Variants in RYR2 observed in about 807,000 individuals in gnomAD.
The protein encoded by RYR2 is ryanodine receptor 2.
RYR2 carries 227 observed loss-of-function variants against 601.1 expected under a neutral mutation model. That is an observed-to-expected ratio of 0.38 (90% CI 0.34 to 0.42). The LOEUF (loss-of-function observed/expected upper bound fraction) is 0.42, where lower values mean the gene tolerates loss of function less well. Among genes scored for constraint, RYR2 ranks in the 10% least tolerant of loss-of-function variants. RYR2 has a pLI of 1.00. For missense variants in RYR2, 4,646 were observed against 6,156.5 expected, an observed-to-expected ratio of 0.75 and a Z score of 8.21; for synonymous variants, 2,223 against 2,175.1, an observed-to-expected ratio of 1.02 and a Z score of -0.61.
chr1:237,696,968 G>A (rs1479783159), intron 63 of RYR2, among the ~76,000 whole-genome samples: 2 of 151,850 alleles, frequency 1.3e-5, no homozygotes, highest in Non-Finnish European at 2.9e-5. Flanking sequence ...AATATAAATC[G>A]TATCATATCC....
chr1:237,795,873 T>C (rs9428383), intron 96 of RYR2, among the ~76,000 whole-genome samples: 69,977 of 140,598 alleles, frequency 0.5, 18,035 homozygotes, highest in East Asian at 0.82. Context: ...TATATATATA[T>C]ACACATATAT....
intron 2 of RYR2, among the ~76,000 whole-genome samples, chr1:237,289,704 C>A (rs896029722): frequency 1.3e-5 from 2 of 152,062 alleles, no homozygotes; most frequent in Non-Finnish European, 2.9e-5. Context: ...GGGACACAGC[C>A]AAACCATATC....
intron 1 of RYR2, among the ~76,000 whole-genome samples, chr1:237,114,868 C>T (rs1669884581): frequency 6.6e-6 from 1 of 152,136 alleles, no homozygotes; most frequent in African/African-American, 2.4e-5. Flanking sequence ...TTATTTGGAG[C>T]ATTACTTGAG....
intron 35 of RYR2, among the ~76,000 whole-genome samples, chr1:237,607,845 C>T (rs1242925114): frequency 6.6e-6 from 1 of 152,114 alleles, no homozygotes; most frequent in Non-Finnish European, 1.5e-5. Flanking sequence ...CCTTGGACAT[C>T]TTTCTTAAAT....
At chr1:237,615,837 G>C (rs890400179) in intron 37 of RYR2, among the ~76,000 whole-genome samples, 3 of 152,208 alleles carry the variant, frequency 2.0e-5, no homozygotes, top group African/African-American at 7.2e-5. Flanking sequence ...CTGGATTACT[G>C]TTAGAAAGAT....
In RYR2 at chr1:237,600,175, A is replaced by C. The variant is rs139359769; in HGVS notation, c.4597-1850A>C. Among the ~76,000 whole-genome samples, 606 of 152,288 alleles carry C rather than the reference A, an allele frequency of 4.0e-3. 2 individuals carry two copies. The highest frequency in any genetic ancestry group is 0.014 in the African/African-American group (563 of 41,566). ...TGGAAACATCACACTAACTGAGTTT[A>C]AAATACACAAAGCCATAGTAACCAA... On this transcript the variant is annotated intron_variant, in intron 34 of 104. Coordinates refer to ENST00000366574, the MANE Select transcript of RYR2 (RefSeq NM_001035.3).
intron 10 of RYR2, among the ~76,000 whole-genome samples, chr1:237,398,489 A>C (rs75807432): frequency 0.061 from 9,353 of 152,328 alleles, 411 homozygotes; most frequent in African/African-American, 0.13. Context: ...CAGATTGTAA[A>C]TAAGCACATA....
At chr1:237,548,319 A>C in intron 25 of RYR2, 112 bp from the exon 26 acceptor site, 1 of 1,056,628 alleles carries the variant, frequency 9.5e-7, no homozygotes, top group Admixed American at 2.3e-5. Context: ...ACCACTGGTT[A>C]CCACTGTGGT....
At chr1:237,241,863 C>T (rs994766253) in intron 1 of RYR2, among the ~76,000 whole-genome samples, 26 of 152,090 alleles carry the variant, frequency 1.7e-4, no homozygotes, top group African/African-American at 5.1e-4. Context: ...ATTGTAACTA[C>T]GTATAATGAG....
chr1:237,396,946 C>G (rs1362961830), intron 10 of RYR2, among the ~76,000 whole-genome samples: 2 of 152,044 alleles, frequency 1.3e-5, no homozygotes, highest in African/African-American at 4.8e-5. Flanking sequence ...AGTTCTTAAA[C>G]TTGACACCAA....
At chr1:237,750,047 G>A (rs752363200) in intron 80 of RYR2, among the ~76,000 whole-genome samples, 5 of 152,132 alleles carry the variant, frequency 3.3e-5, no homozygotes, top group Admixed American at 2.0e-4. Flanking sequence ...TCGGGAGGCC[G>A]AGGCACAGGA....
intron 24 of RYR2, among the ~76,000 whole-genome samples, chr1:237,515,693 TTCCCTCCCC>T (rs1666377533): frequency 4.5e-4 from 1 of 2,246 alleles, no homozygotes; most frequent in Non-Finnish European, 1.0e-3. Flanking sequence ...CCTTCCTTCC[TTCCCTCCCC>T]TCCTTCTCCT....
intron 16 of RYR2, among the ~76,000 whole-genome samples, chr1:237,462,418 C>T (rs992204497): frequency 2.0e-5 from 3 of 152,126 alleles, no homozygotes; most frequent in South Asian, 2.1e-4. Flanking sequence ...TTAGAAACAG[C>T]GATACTCATA....
chr1:237,556,540 ATGT>A (rs1670907019), intron 27 of RYR2, among the ~76,000 whole-genome samples: 1 of 147,564 alleles, frequency 6.8e-6, no homozygotes, highest in African/African-American at 2.5e-5. Context: ...TGAACTCCTG[ATGT>A]TGTGATCCAC....
intron 8 of RYR2, 55 bp from the exon 9 acceptor site, chr1:237,387,226 C>CACATG: frequency 6.7e-7 from 1 of 1,492,586 alleles, no homozygotes; most frequent in Non-Finnish European, 9.4e-7. Context: ...GAAGCACTTA[C>CACATG]ATGTTACAGC....
chr1:237,714,426 G>A (rs1181599566), intron 71 of RYR2, among the ~76,000 whole-genome samples: 1 of 152,162 alleles, frequency 6.6e-6, no homozygotes, highest in African/African-American at 2.4e-5. Flanking sequence ...TGGAAAATGA[G>A]TCTTTTCTAG....
chr1:237,243,577 G>A (rs1686449741), intron 1 of RYR2, among the ~76,000 whole-genome samples: 1 of 152,084 alleles, frequency 6.6e-6, no homozygotes, highest in Non-Finnish European at 1.5e-5. Context: ...CAGGACTCTT[G>A]GGTTTTTATG....
intron 16 of RYR2, among the ~76,000 whole-genome samples, chr1:237,459,289 T>C (rs931211132): frequency 7.2e-5 from 11 of 152,122 alleles, no homozygotes; most frequent in Admixed American, 1.3e-4. Context: ...TGTCTCTAAA[T>C]AATAATAAAA....
intron 2 of RYR2, among the ~76,000 whole-genome samples, chr1:237,303,362 C>A (rs751140710): frequency 7.8e-6 from 1 of 128,554 alleles, no homozygotes; most frequent in East Asian, 2.4e-4. Flanking sequence ...TGCAGTGGTG[C>A]AATGTCAGCT....
Sources: allele counts gnomAD v4.1 joint callset (sites outside exome capture counted in the v4.1 genomes callset), GRCh38; gene constraint gnomAD v4.1.1; transcripts MANE v1.5; gene names NCBI Gene and HGNC (gene_info 2026-07-23, HGNC 2026-07-21).